The following ANO3 variants were observed in gnomAD, a reference collection of about 807,000 sequenced individuals.
ANO3 encodes the protein anoctamin 3, also known as anoctamin-3.
ANO3 carries 99 observed loss-of-function variants against 144.8 expected under a neutral mutation model. The observed-to-expected ratio is 0.68, with a 90% CI of 0.58 to 0.81. The LOEUF is 0.81. Ranked by LOEUF, ANO3 falls within the 30% of genes least tolerant of loss-of-function variation. ANO3 has a pLI of 0.00. For synonymous variants in ANO3, 414 were observed against 392.6 expected (o/e 1.05, Z -0.64); for missense variants, 905 against 1,202.2 (o/e 0.75, Z 3.66).
At chr11:26,562,466 A>G (rs1286350748) in intron 14 of ANO3, among the ~76,000 whole-genome samples, 1 of 151,944 alleles carries the variant, frequency 6.6e-6, no homozygotes, top group Non-Finnish European at 1.5e-5. Flanking sequence ...TGAACCAAGC[A>G]ATAAAACAAA....
chr11:26,424,246 TCCC>T (rs34385420), intron 1 of ANO3, among the ~76,000 whole-genome samples: 2 of 145,562 alleles, frequency 1.4e-5, no homozygotes, highest in African/African-American at 5.5e-5. Flanking sequence ...GACTAAAATC[TCCC>T]CCCCCACACA....
rs533265493 is a variant in ANO3, at chr11:26,457,202, G to C, written c.314-5828G>C. ...TAACTTACCTGCACATTGTGCACAC[G>C]TACCCTAAAACTTAAGGTATAATTA... On this transcript the variant is annotated intron_variant, in intron 3 of 26. Transcript: ENST00000256737. Among the ~76,000 whole-genome samples the C allele has an allele frequency of 1.7e-3, 248 of 150,062 alleles. 2 individuals carry two copies. Among genetic ancestry groups the C allele is most frequent in the African/African-American group, 5.8e-3 (235 of 40,800 alleles).
At chr11:26,241,190 C>A (rs762284222) in intron 1 of ANO3, among the ~76,000 whole-genome samples, 2 of 152,148 alleles carry the variant, frequency 1.3e-5, no homozygotes, top group Non-Finnish European at 2.9e-5. Flanking sequence ...TGCCTTCCAC[C>A]GTGATTGTGA....
At chr11:26,249,236 T>G (rs1852870370) in intron 1 of ANO3, among the ~76,000 whole-genome samples, 1 of 152,198 alleles carries the variant, frequency 6.6e-6, no homozygotes, top group Non-Finnish European at 1.5e-5. Context: ...GTAGACATCC[T>G]TCAGTAACAG....
chr11:26,223,134 G>T (rs1024393900), intron 1 of ANO3, among the ~76,000 whole-genome samples: 6 of 150,860 alleles, frequency 4.0e-5, no homozygotes, highest in African/African-American at 1.5e-4. Context: ...ATTTTAAGTT[G>T]TTTTCTTGGT....
At chr11:26,494,822 A>G (rs1055262557) in intron 4 of ANO3, among the ~76,000 whole-genome samples, 3 of 152,154 alleles carry the variant, frequency 2.0e-5, no homozygotes, top group Non-Finnish European at 4.4e-5. Flanking sequence ...CAGGAGATCT[A>G]TGAAGTCCCT....
intron 4 of ANO3, among the ~76,000 whole-genome samples, chr11:26,484,951 T>G (rs1360947769): frequency 6.6e-6 from 1 of 152,298 alleles, no homozygotes; most frequent in South Asian, 2.1e-4. Flanking sequence ...AGCCCCTTTG[T>G]TTTGTCAAAT....
chr11:26,263,113 T>G (rs1853229884), intron 1 of ANO3, among the ~76,000 whole-genome samples: 1 of 152,200 alleles, frequency 6.6e-6, no homozygotes, highest in Admixed American at 6.5e-5. Flanking sequence ...TCCTCTCGTT[T>G]CCTCCATTAT....
rs764671965 is a variant in ANO3, at chr11:26,563,393, C to CTGTG, written c.1447+3615_1447+3616insGTGT. On this transcript the variant is annotated intron_variant, in intron 14 of 26. Coordinates refer to ENST00000256737, the MANE Select transcript of ANO3 (RefSeq NM_031418.4). Reference sequence around the variant, plus strand: ...AAATTAGATAATGGTGTGTTTCTCTCTCTGTGTGTGTGTGTGTGTGTGTGT... The same window carrying CTGTG: ...AAATTAGATAATGGTGTGTTTCTCTCTGTGTCTGTGTGTGTGTGTGTGTGTGTGT... 4.0e-3 allele frequency: 3,304 copies of CTGTG among 824,678 alleles called. 55 individuals are homozygous for CTGTG. The highest frequency in any genetic ancestry group is 0.024 in the African/African-American group (902 of 38,058). The allele number at this position is 824,678 out of a possible 1,614,324, so 51.1% of individuals were successfully genotyped here.
In ANO3 at chr11:26,332,340, C is replaced by G. The variant is rs754623778; in HGVS notation, c.46+19C>G. On this transcript the variant is annotated intron_variant, in intron 1 of 26. Transcript: ENST00000256737. ...CAAAAAGGTCAGTTGGAATCTTGCT[C>G]CCCTCTCCCTGCGGGCGTCACTTCC... 6.2e-7 allele frequency: 1 copy of G among 1,613,436 alleles called. No homozygotes were observed. Among genetic ancestry groups the G allele is most frequent in the Non-Finnish European group, 8.5e-7 (1 of 1,179,660 alleles).
intron 14 of ANO3, chr11:26,563,246 T>C: frequency 6.2e-7 from 1 of 1,600,860 alleles, no homozygotes; most frequent in Non-Finnish European, 8.5e-7. Context: ...CCCCGAATAC[T>C]ATTCCTGTAT....
intron 17 of ANO3, among the ~76,000 whole-genome samples, chr11:26,610,195 G>A (rs1487400842): frequency 1.3e-5 from 2 of 152,176 alleles, no homozygotes; most frequent in Non-Finnish European, 2.9e-5. Flanking sequence ...ACAGGCGTAA[G>A]CCACCGCTCC....
At chr11:26,554,257 A>T (rs1037236483) in intron 13 of ANO3, among the ~76,000 whole-genome samples, 1 of 152,136 alleles carries the variant, frequency 6.6e-6, no homozygotes, top group South Asian at 2.1e-4. Context: ...TGTAGCATTT[A>T]TCAATAGATC....
At chr11:26,214,846 A>G (rs1219840615) in intron 1 of ANO3, among the ~76,000 whole-genome samples, 2 of 151,912 alleles carry the variant, frequency 1.3e-5, no homozygotes, top group Non-Finnish European at 2.9e-5. Flanking sequence ...TTTAGTTGCC[A>G]TGATTCTCTT....
intron 1 of ANO3, among the ~76,000 whole-genome samples, chr11:26,382,063 ATAAT>A (rs1195397944): frequency 6.6e-6 from 1 of 152,132 alleles, no homozygotes; most frequent in Admixed American, 6.6e-5. Flanking sequence ...TTTTGGGTTA[ATAAT>A]TTATTATGCA....
chr11:26,638,662 T>A (rs756269259), intron 20 of ANO3, among the ~76,000 whole-genome samples: 2 of 152,202 alleles, frequency 1.3e-5, no homozygotes, highest in Non-Finnish European at 2.9e-5. Context: ...ACCATGGTAA[T>A]GTATGGAGCG....
chr11:26,419,891 T>C (rs1436853250), intron 1 of ANO3, among the ~76,000 whole-genome samples: 33 of 152,162 alleles, frequency 2.2e-4, no homozygotes, highest in Non-Finnish European at 7.4e-5. Context: ...AAGGTTAGGA[T>C]GTAGAAAATT....
At chr11:26,614,827 G>A (rs1852203466) in intron 17 of ANO3, among the ~76,000 whole-genome samples, 1 of 152,128 alleles carries the variant, frequency 6.6e-6, no homozygotes, top group Non-Finnish European at 1.5e-5. Flanking sequence ...CTTGGTGTCT[G>A]TACTCCACAT....
intron 4 of ANO3, among the ~76,000 whole-genome samples, chr11:26,479,083 G>T (rs181499345): frequency 2.4e-3 from 369 of 152,308 alleles, no homozygotes; most frequent in Non-Finnish European, 3.8e-3. Flanking sequence ...AGATAGAGAA[G>T]AAATATAATA....
Sources: gnomAD v4.1 joint callset for allele counts (sites outside exome capture counted in the v4.1 genomes callset) on GRCh38, gnomAD v4.1.1 for gene constraint, MANE v1.5 for transcripts, NCBI Gene and HGNC (gene_info 2026-07-23, HGNC 2026-07-21) for gene names.